The following TENM3 variants were observed in gnomAD, a reference collection of about 807,000 sequenced individuals.
TENM3 encodes the protein teneurin-3.
A neutral mutation model predicts 255.1 loss-of-function variants in TENM3; 63 were observed. That is an observed-to-expected ratio of 0.25 (90% CI 0.20 to 0.30). The LOEUF (loss-of-function observed/expected upper bound fraction) is 0.30. Ranked by LOEUF, TENM3 falls within the 10% of genes least tolerant of loss-of-function variation. The probability of loss-of-function intolerance (pLI) is 1.00; values close to 1 mark genes in which losing one functional copy is unlikely to be tolerated. For synonymous variants in TENM3, 1,306 were observed against 1,322.3 expected, an observed-to-expected ratio of 0.99 and a Z score of 0.27; for missense variants, 2,929 against 3,461.1, an observed-to-expected ratio of 0.85 and a Z score of 3.86.
the TENM3 span, chr4:181,975,528 T>G: frequency 1.3e-5 from 2 of 152,240 alleles, no homozygotes; most frequent in African/African-American, 4.8e-5. Context: ...ATGACTTTGC[T>G]GTTTTGAATA....
At chr4:182,213,847 G>GCCGGA (rs1457456051) in intron 1 of TENM3, among the ~76,000 whole-genome samples, 1 of 152,028 alleles carries the variant, frequency 6.6e-6, no homozygotes, top group Non-Finnish European at 1.5e-5. Flanking sequence ...TGTCGCCCAG[G>GCCGGA]CTGGAGTGCA....
the TENM3 span, among the ~76,000 whole-genome samples, chr4:181,891,983 C>T: frequency 9.2e-5 from 14 of 152,076 alleles, no homozygotes; most frequent in Non-Finnish European, 1.5e-4. Context: ...ACCTTCTTAC[C>T]CTTTGACGTT....
chr4:182,787,963 G>A (rs1026410622), intron 24 of TENM3, among the ~76,000 whole-genome samples: 3 of 152,200 alleles, frequency 2.0e-5, no homozygotes, highest in South Asian at 2.1e-4. Flanking sequence ...GTGAATGATA[G>A]AATGCAAAAG....
chr4:181,855,666 C>T, the TENM3 span, among the ~76,000 whole-genome samples: 2 of 152,172 alleles, frequency 1.3e-5, no homozygotes, highest in African/African-American at 2.4e-5. Context: ...TTCCTTGGAA[C>T]ATGAATGATA....
At chr4:181,763,289 T>C in the TENM3 span, among the ~76,000 whole-genome samples, 1 of 152,194 alleles carries the variant, frequency 6.6e-6, no homozygotes, top group Non-Finnish European at 1.5e-5. Context: ...TTCACTCCAG[T>C]TATCTTCTTA....
At chr4:181,857,864 A>G in the TENM3 span, among the ~76,000 whole-genome samples, 117,635 of 151,996 alleles carry the variant, frequency 0.77, 45,817 homozygotes, top group East Asian at 0.95. Flanking sequence ...ACATTCATTA[A>G]AGAAACATGG....
intron 25 of TENM3, among the ~76,000 whole-genome samples, chr4:182,790,017 T>C (rs182635509): frequency 1.3e-5 from 2 of 152,246 alleles, no homozygotes; most frequent in Non-Finnish European, 2.9e-5. Flanking sequence ...TGCAAAATGC[T>C]AAGTTGTATG....
intron 1 of TENM3, among the ~76,000 whole-genome samples, chr4:182,235,332 T>C (rs944124441): frequency 6.6e-6 from 1 of 152,218 alleles, no homozygotes; most frequent in African/African-American, 2.4e-5. Flanking sequence ...TCAAAATATA[T>C]GTGGTTAGGC....
chr4:181,583,129 A>ATTTAT, the TENM3 span, among the ~76,000 whole-genome samples: 4 of 8,868 alleles, frequency 4.5e-4, no homozygotes, highest in Non-Finnish European at 1.6e-3. Flanking sequence ...CTTCTGTAGT[A>ATTTAT]TTTTTTTTTT....
intron 1 of TENM3, among the ~76,000 whole-genome samples, chr4:182,201,914 C>T (rs1049815913): frequency 6.6e-6 from 1 of 152,142 alleles, no homozygotes; most frequent in Non-Finnish European, 1.5e-5. Flanking sequence ...AATAACTATG[C>T]ATTTTCAGGT....
intron 3 of TENM3, among the ~76,000 whole-genome samples, chr4:182,477,863 AAAAC>A (rs1733827139): frequency 6.6e-6 from 1 of 152,186 alleles, no homozygotes; most frequent in South Asian, 2.1e-4. Flanking sequence ...TGAATATTGA[AAAAC>A]AAAGTAAAAA....
chr4:182,502,294 T>C (rs1210563008), intron 3 of TENM3, among the ~76,000 whole-genome samples: 1 of 152,196 alleles, frequency 6.6e-6, no homozygotes, highest in East Asian at 1.9e-4. Context: ...GAGGCGGTGC[T>C]GTGTACTTCA....
At chr4:182,012,736 C>G in the TENM3 span, 1 of 152,170 alleles carries the variant, frequency 6.6e-6, no homozygotes, top group African/African-American at 2.4e-5. Flanking sequence ...AGCTCTGGGT[C>G]TCTCACCATA....
the TENM3 span, among the ~76,000 whole-genome samples, chr4:182,018,561 C>T: frequency 2.0e-5 from 3 of 152,084 alleles, no homozygotes; most frequent in Non-Finnish European, 4.4e-5. Context: ...ATCATTCTGA[C>T]CTTTGTATAA....
At chr4:182,579,139 T>G (rs1745235973) in intron 3 of TENM3, among the ~76,000 whole-genome samples, 1 of 152,142 alleles carries the variant, frequency 6.6e-6, no homozygotes, top group Admixed American at 6.6e-5. Flanking sequence ...ATAAATACAG[T>G]TAGGACTTGT....
chr4:182,761,264 C>CA (rs1303155066), intron 22 of TENM3, among the ~76,000 whole-genome samples: 2 of 152,012 alleles, frequency 1.3e-5, no homozygotes, highest in Admixed American at 1.3e-4. Context: ...ACTAGAAATA[C>CA]AAAAATTAGC....
the TENM3 span, among the ~76,000 whole-genome samples, chr4:182,064,183 A>AT: frequency 6.8e-6 from 1 of 147,600 alleles, no homozygotes; most frequent in Non-Finnish European, 1.5e-5. Flanking sequence ...TGTATTACCG[A>AT]TTAAAAAAAA....
chr4:181,952,263 T>G, the TENM3 span, among the ~76,000 whole-genome samples: 1 of 152,232 alleles, frequency 6.6e-6, no homozygotes, highest in African/African-American at 2.4e-5. Context: ...GGTTGTGCTT[T>G]CTTTGTTTGT....
the TENM3 span, among the ~76,000 whole-genome samples, chr4:181,935,346 A>C: frequency 5.3e-5 from 8 of 152,352 alleles, no homozygotes; most frequent in African/African-American, 1.9e-4. Flanking sequence ...TTTCATCTCC[A>C]CCTTAAGCTC....
Sources: gnomAD v4.1 joint callset for allele counts (sites outside exome capture counted in the v4.1 genomes callset) on GRCh38, gnomAD v4.1.1 for gene constraint, MANE v1.5 for transcripts, NCBI Gene and HGNC (gene_info 2026-07-23, HGNC 2026-07-21) for gene names.